The following NWD1 variants were observed in gnomAD, a reference collection of about 807,000 sequenced individuals.
NWD1 encodes the protein NACHT domain- and WD repeat-containing protein 1.
In NWD1, 129 loss-of-function variants were observed where a neutral mutation model predicts 135.1. The observed-to-expected ratio is 0.96, with a 90% CI of 0.83 to 1.11. The LOEUF is 1.11. Among genes scored for constraint, NWD1 ranks in the 50% least tolerant of loss-of-function variants. The pLI is 0.00. For missense variants in NWD1, 1,740 were observed against 1,851.3 expected, an observed-to-expected ratio of 0.94 and a Z score of 1.10; for synonymous variants, 773 against 786.0, an observed-to-expected ratio of 0.98 and a Z score of 0.28.
rs759082341 is a variant in NWD1 at position 16,794,514 on chromosome 19, T to G, written c.3265T>G (p.Phe1089Val). The G allele has an allele frequency of 1.2e-6, 2 of 1,611,718 alleles. No individual in the cohort carries two copies. The highest frequency in any genetic ancestry group is 2.7e-5 in the African/African-American group (2 of 74,924). The change falls in exon 15 of 19, where the codon TTC (phenylalanine) becomes GTC (valine). Residue 1089 changes from phenylalanine to valine, a missense_variant. Transcript: ENST00000524140. Reference sequence around the variant, plus strand: ...GGAGAAGCTTCCAGATGCTGTGAGGTTCCTGGTGGTCTCTGAAGATGAGTC... The same window carrying G: ...GGAGAAGCTTCCAGATGCTGTGAGGGTCCTGGTGGTCTCTGAAGATGAGTC... ...LLEKLPDAVR[F>V]LVVSEDESLL...
intron 3 of NWD1, among the ~76,000 whole-genome samples, chr19:16,733,474 T>C (rs1339127754): frequency 7.1e-6 from 1 of 141,068 alleles, no homozygotes. Context: ...TGAGCCGAGA[T>C]AACGCCACTG....
rs140641936 is a variant in NWD1, at chr19:16,797,825, C to T, written c.3398C>T (p.Thr1133Met). The T allele has an allele frequency of 3.4e-4, 545 of 1,613,942 alleles. No homozygotes were observed. The highest frequency in any genetic ancestry group is 4.2e-4 in the Non-Finnish European group (501 of 1,179,896). The change falls in exon 16 of 19, where the codon ACG becomes ATG. Residue 1133 changes from threonine (T) to methionine (M), a missense_variant. By Grantham distance (81) the Thr-to-Met change is moderately conservative. Coordinates refer to ENST00000524140, the MANE Select transcript of NWD1 (RefSeq NM_001007525.5). ...CTGGAACATGAAGACATGGTGGAGA[C>T]GGCTGTTTTTGGTACTGAGAACAAC... ...MDLEHEDMVE[T>M]AVFGTENNLI...
chr19:16,808,530 C>T (rs1042637085), intron 18 of NWD1, among the ~76,000 whole-genome samples: 1 of 150,700 alleles, frequency 6.6e-6, no homozygotes, highest in African/African-American at 2.5e-5. Context: ...AGCCTGACTA[C>T]AGACACTCCG....
intron 11 of NWD1, 84 bp from the exon 12 acceptor site, chr19:16,779,257 AAG>A: frequency 6.8e-7 from 1 of 1,478,860 alleles, no homozygotes; most frequent in Non-Finnish European, 9.4e-7. Context: ...CTTATCTGTG[AAG>A]TGGGGGGCTC....
chr19:16,739,975 A>G (rs892498068), intron 4 of NWD1, among the ~76,000 whole-genome samples: 2 of 152,038 alleles, frequency 1.3e-5, no homozygotes, highest in Admixed American at 1.3e-4. Flanking sequence ...TCTGTTGCTT[A>G]TAACAGAATC....
At chr19:16,784,514 G>A (rs939866589) in intron 12 of NWD1, among the ~76,000 whole-genome samples, 5 of 152,126 alleles carry the variant, frequency 3.3e-5, no homozygotes, top group African/African-American at 9.7e-5. Flanking sequence ...CAGGGGAGAG[G>A]AAAGAGCCTC....
At chr19:16,789,876 C>G (rs1970184003) in intron 13 of NWD1, among the ~76,000 whole-genome samples, 1 of 152,070 alleles carries the variant, frequency 6.6e-6, no homozygotes, top group Admixed American at 6.6e-5. Flanking sequence ...CGCCACCACG[C>G]CCAGCTAATT....
At chr19:16,807,485 T>TC (rs1599562959) in intron 17 of NWD1, 101 bp from the exon 18 acceptor site, 2 of 912,118 alleles carry the variant, frequency 2.2e-6, no homozygotes, top group African/African-American at 3.3e-5. Flanking sequence ...AGAGTGAGAC[T>TC]CCATCTCAAA....
chr19:16,808,057 T>C lies in NWD1; in HGVS notation c.4208T>C (p.Val1403Ala), dbSNP rs781003819. Reference protein sequence around the residue: ...CVEVSHKEQLVVSGSEDALLC... With the variant: ...CVEVSHKEQLAVSGSEDALLC... Reference sequence around the variant, plus strand: ...GAGGTCAGCCACAAGGAGCAGCTGGTGGTCAGCGGGTCTGAGGATGCCCTG... The same window carrying C: ...GAGGTCAGCCACAAGGAGCAGCTGGCGGTCAGCGGGTCTGAGGATGCCCTG... The change falls in exon 18 of 19, where the codon GTG becomes GCG. Residue 1403 changes from valine (V) to alanine (A), a missense_variant. Transcript: ENST00000524140. The C allele has an allele frequency of 1.9e-6, 3 of 1,613,926 alleles. No homozygotes were observed. The highest frequency in any genetic ancestry group is 2.7e-5 in the African/African-American group (2 of 74,860).
At chr19:16,723,009 C>G (rs555055205) in intron 1 of NWD1, among the ~76,000 whole-genome samples, 86 of 152,202 alleles carry the variant, frequency 5.7e-4, no homozygotes, top group Non-Finnish European at 1.0e-3. Context: ...AAATCTCACA[C>G]CTGGTCTCTT....
At chr19:16,760,805 G>T (rs1171861627) in intron 7 of NWD1, among the ~76,000 whole-genome samples, 1 of 152,052 alleles carries the variant, frequency 6.6e-6, no homozygotes, top group Non-Finnish European at 1.5e-5. Context: ...GGCCACGCTG[G>T]TCTCAAACTC....
chr19:16,738,750 A>ATATATATAATATATATAT (rs1967948075), intron 4 of NWD1, among the ~76,000 whole-genome samples: 1 of 135,528 alleles, frequency 7.4e-6, no homozygotes, highest in African/African-American at 3.1e-5. Flanking sequence ...TATATATATT[A>ATATATATAATATATATAT]TATATATATA....
At chr19:16,736,588 AC>A in intron 3 of NWD1, 45 bp from the exon 4 acceptor site, 1 of 1,216,540 alleles carries the variant, frequency 8.2e-7, no homozygotes, top group South Asian at 1.3e-5. Context: ...AAAACAAATC[AC>A]CTGTCATGCC....
chr19:16,798,994 A>G (rs1363271603), intron 16 of NWD1, among the ~76,000 whole-genome samples: 1 of 150,990 alleles, frequency 6.6e-6, no homozygotes, highest in African/African-American at 2.4e-5. Flanking sequence ...AAAAAGGTTT[A>G]CAGGGCACCC....
chr19:16,797,813 A>G lies in NWD1; in HGVS notation c.3386A>G (p.Asp1129Gly), dbSNP rs866274829. The change falls in exon 16 of 19, where the codon GAC (aspartate) becomes GGC (glycine). Residue 1129 changes from aspartate to glycine, a missense_variant. By Grantham distance (94) the Asp-to-Gly change is moderately conservative. Coordinates refer to ENST00000524140, the MANE Select transcript of NWD1 (RefSeq NM_001007525.5). Reference sequence around the variant, plus strand: ...ATGGCCATGGATCTGGAACATGAAGACATGGTGGAGACGGCTGTTTTTGGT... The same window carrying G: ...ATGGCCATGGATCTGGAACATGAAGGCATGGTGGAGACGGCTGTTTTTGGT... ...RFMAMDLEHE[D>G]MVETAVFGTE... The G allele has an allele frequency of 8.7e-6, 14 of 1,613,846 alleles. No homozygotes were observed. The African/African-American group carries it at 1.5e-4, about 17-fold the overall frequency.
chr19:16,769,240 T>C (rs1276479653), intron 10 of NWD1, among the ~76,000 whole-genome samples: 1 of 152,088 alleles, frequency 6.6e-6, no homozygotes, highest in African/African-American at 2.4e-5. Flanking sequence ...GGCAGGCAGA[T>C]CACTTGAGGT....
In NWD1 at chr19:16,730,193, A is replaced by G. The variant is rs557313447; in HGVS notation, c.-6-999A>G. Among the ~76,000 whole-genome samples, 10 of 150,694 alleles carry G rather than the reference A, an allele frequency of 6.6e-5. 2 individuals are homozygous for G. The highest frequency in any genetic ancestry group is 2.4e-4 in the African/African-American group (10 of 41,068). The stretch of plus-strand genomic sequence containing the variant: ...AAAAATTAGCCAGGTGTGGTGGTGC[A>G]CGCCTGTAATCCCAGCTACTTGGGA... On this transcript the variant is annotated intron_variant, in intron 2 of 18. Coordinates refer to ENST00000524140, the MANE Select transcript of NWD1 (RefSeq NM_001007525.5).
intron 6 of NWD1, among the ~76,000 whole-genome samples, chr19:16,756,704 T>C (rs1199050816): frequency 4.6e-5 from 7 of 152,076 alleles, no homozygotes; most frequent in Admixed American, 3.3e-4. Flanking sequence ...CATCCTACAA[T>C]AGGGGTCCCC....
intron 12 of NWD1, among the ~76,000 whole-genome samples, chr19:16,788,476 C>A (rs775512364): frequency 6.9e-6 from 1 of 144,612 alleles, no homozygotes; most frequent in African/African-American, 2.6e-5. Flanking sequence ...GGCTGAGGCA[C>A]GAGAATCACT....
Sources: gnomAD v4.1 joint callset for allele counts (sites outside exome capture counted in the v4.1 genomes callset) on GRCh38, gnomAD v4.1.1 for gene constraint, MANE v1.5 for transcripts, NCBI Gene and HGNC (gene_info 2026-07-23, HGNC 2026-07-21) for gene names.